CSK: variants seen among roughly 807,000 people sequenced by gnomAD.
CSK encodes the protein C-terminal Src kinase, also known as tyrosine-protein kinase CSK.
A neutral mutation model predicts 62.3 loss-of-function variants in CSK; 7 were observed. The ratio of observed to expected loss-of-function variants is 0.11; its 90% CI spans 0.06 to 0.21. The LOEUF is 0.21. Among genes scored for constraint, CSK ranks in the 10% least tolerant of loss-of-function variants. The pLI is 1.00. For missense variants in CSK, 294 were observed against 613.5 expected (o/e 0.48, Z 5.50); for synonymous variants, 237 against 246.0 (o/e 0.96, Z 0.34).
Position 74,798,551 on chromosome 15 carries a change from G to T in CSK, c.16-64G>T. The T allele has an allele frequency of 6.8e-7, 1 of 1,463,772 alleles. No homozygotes were observed. The highest frequency in any genetic ancestry group is 1.4e-5 in the African/African-American group (1 of 71,808). The allele number at this position is 1,463,772 out of a possible 1,614,324, so 90.7% of individuals were successfully genotyped here. A position where few individuals can be genotyped will look rare whatever the true frequency, so the allele number is the denominator to read the frequency against. Reference sequence around the variant, plus strand: ...CAGCTCAGAGGCTGTGACCACGAGGGTGCGCCAGCAGGTGGCTGGAGGGGG... The same window carrying T: ...CAGCTCAGAGGCTGTGACCACGAGGTTGCGCCAGCAGGTGGCTGGAGGGGG... On this transcript the variant is annotated intron_variant, in intron 2 of 12. Transcript: ENST00000220003. This position sits in a 1 kb window ranked among gnomAD's most constrained non-coding sequence, Gnocchi z 6.6.
At chr15:74,789,915 C>T (rs2141792473) in intron 1 of CSK, among the ~76,000 whole-genome samples, 1 of 152,282 alleles carries the variant, frequency 6.6e-6, no homozygotes, top group East Asian at 1.9e-4. Flanking sequence ...AGCATCCAGC[C>T]CTGGCTTGTG....
At chr15:74,802,131 G>T in intron 12 of CSK, 48 bp downstream of exon 12, 1 of 1,586,122 alleles carries the variant, frequency 6.3e-7, no homozygotes, top group Non-Finnish European at 8.6e-7. Context: ...CACCGGAGGG[G>T]TTGGCAGGGG....
intron 1 of CSK, among the ~76,000 whole-genome samples, chr15:74,784,074 G>A (rs1388188466): frequency 1.3e-5 from 2 of 152,252 alleles, no homozygotes; most frequent in African/African-American, 4.8e-5. Flanking sequence ...GACAGCAGGG[G>A]TGAGGTTGAG....
chr15:74,801,465 G>GTGAGAGGGCTGCAGGGCACGTCTGACC, intron 9 of CSK, 57 bp from the exon 10 acceptor site: 1 of 1,553,636 alleles, frequency 6.4e-7, no homozygotes, highest in Non-Finnish European at 8.8e-7. Flanking sequence ...AGCGTGCTGT[G>GTGAGAGGGCTGCAGGGCACGTCTGACC]TGAGAGGGCT....
rs1222737325 is a variant in CSK, at chr15:74,798,636, G to A, written c.37G>A (p.Glu13Lys). Residue 13 changes from glutamate (E) to lysine (K), a missense_variant, in exon 3 of 13, where the codon GAA becomes AAA. Coordinates refer to ENST00000220003, the MANE Select transcript of CSK (RefSeq NM_004383.3). This position sits in a 1 kb window ranked among gnomAD's most constrained non-coding sequence, Gnocchi z 6.6. ...GCAGGCCGCCTGGCCATCCGGTACA[G>A]AATGTATTGCCAAGTACAACTTCCA... Reference protein sequence around the residue: ...AIQAAWPSGTECIAKYNFHGT... With the variant: ...AIQAAWPSGTKCIAKYNFHGT... The A allele has an allele frequency of 6.2e-7, 1 of 1,613,490 alleles. No homozygotes were observed. Among genetic ancestry groups the A allele is most frequent in the African/African-American group, 1.3e-5 (1 of 74,948 alleles).
Position 74,799,311 on chromosome 15 carries a change from G to A in CSK, c.282G>A (p.Arg94=), listed in dbSNP as rs757011709. The A allele has an allele frequency of 6.8e-6, 11 of 1,611,794 alleles. No individual in the cohort carries two copies. Among genetic ancestry groups the A allele is most frequent in the Admixed American group, 5.0e-5 (3 of 60,016 alleles). Residue 94 remains arginine, a synonymous_variant, in exon 5 of 13, where the codon CGG becomes CGA. Transcript: ENST00000220003. ...HGKITREQAE[R]LLYPPETGLF... ...AGATCACACGGGAGCAGGCTGAGCG[G>A]CTTCTGTACCCGCCGGAGACAGGCC...
intron 1 of CSK, among the ~76,000 whole-genome samples, chr15:74,789,269 C>T (rs777715535): frequency 4.6e-5 from 7 of 152,222 alleles, no homozygotes; most frequent in African/African-American, 7.2e-5. Flanking sequence ...TCTGTTCCTT[C>T]GTAACCGCCC....
intron 1 of CSK, among the ~76,000 whole-genome samples, chr15:74,788,197 C>T (rs1432444868): frequency 1.3e-5 from 2 of 152,174 alleles, no homozygotes; most frequent in Non-Finnish European, 2.9e-5. Context: ...GTGTGTCCCT[C>T]GACAGGCTCT....
intron 1 of CSK, among the ~76,000 whole-genome samples, chr15:74,787,543 G>A (rs1466002926): frequency 6.6e-6 from 1 of 152,186 alleles, no homozygotes; most frequent in Non-Finnish European, 1.5e-5. Context: ...GGGACTGGAG[G>A]GCCCTGTGCA....
At chr15:74,801,617 A>G (rs1301651907) in intron 10 of CSK, 22 bp downstream of exon 10, 2 of 1,613,104 alleles carry the variant, frequency 1.2e-6, no homozygotes, top group African/African-American at 1.3e-5. Flanking sequence ...AGCCTCTTGG[A>G]TGGGTAGGGT....
intron 1 of CSK, among the ~76,000 whole-genome samples, chr15:74,790,096 T>TG (rs2063595102): frequency 6.6e-6 from 1 of 152,234 alleles, no homozygotes; most frequent in Admixed American, 6.5e-5. Flanking sequence ...ACCTTGCTGT[T>TG]GCCTGTTTTG....
At chr15:74,787,328 C>T (rs1347828651) in intron 1 of CSK, among the ~76,000 whole-genome samples, 3 of 152,082 alleles carry the variant, frequency 2.0e-5, no homozygotes, top group South Asian at 2.1e-4. Flanking sequence ...CCCTGCTCCT[C>T]GGGATCAGAA....
intron 12 of CSK, 74 bp from the exon 13 acceptor site, chr15:74,802,257 C>T: frequency 6.8e-7 from 1 of 1,472,598 alleles, no homozygotes. Flanking sequence ...GATGGGCATC[C>T]CTGAGAGGCT....
intron 1 of CSK, among the ~76,000 whole-genome samples, chr15:74,785,670 A>G (rs1332041331): frequency 6.6e-6 from 1 of 152,178 alleles, no homozygotes; most frequent in African/African-American, 2.4e-5. Context: ...GCATTGTTGA[A>G]GGAGTGCCCA....
chr15:74,799,577 G>A, intron 5 of CSK, 86 bp downstream of exon 5: 2 of 1,359,128 alleles, frequency 1.5e-6, no homozygotes, highest in African/African-American at 1.4e-5. Context: ...CAGCCCCACT[G>A]CTTCTGCGTG....
intron 1 of CSK, among the ~76,000 whole-genome samples, chr15:74,788,971 C>T (rs952765949): frequency 2.0e-5 from 3 of 152,148 alleles, no homozygotes; most frequent in Admixed American, 1.3e-4. Flanking sequence ...GGCTCCTGAG[C>T]GGTAATTAGA....
Position 74,799,317 on chromosome 15 carries a change from G to C in CSK, c.288G>C (p.Leu96=). ...KITREQAERL[L]YPPETGLFLV... ...CACGGGAGCAGGCTGAGCGGCTTCT[G>C]TACCCGCCGGAGACAGGCCTGTTCC... is the stretch of plus-strand genomic sequence containing the variant. The change falls in exon 5 of 13, where the codon CTG becomes CTC. Residue 96 remains leucine, a synonymous_variant. Coordinates refer to ENST00000220003, the MANE Select transcript of CSK (RefSeq NM_004383.3). 1 of 1,611,990 alleles carries C rather than the reference G, an allele frequency of 6.2e-7. No homozygotes were observed.
At chr15:74,790,568 T>C (rs2063604506) in intron 1 of CSK, among the ~76,000 whole-genome samples, 1 of 152,074 alleles carries the variant, frequency 6.6e-6, no homozygotes, top group South Asian at 2.1e-4. Flanking sequence ...GAAGTCAGAG[T>C]GAAGCACTGG....
At position 74,801,779 on chromosome 15, in the gene CSK, G is replaced by A. The variant is rs377244476; in HGVS notation, c.972G>A (p.Glu324=). ...CTGCCCGCAATGTGCTGGTGTCTGA[G>A]GACAACGTGGCCAAGGTCAGCGACT... The part of the protein sequence containing the change: ...DLAARNVLVS[E]DNVAKVSDFG... The change falls in exon 11 of 13, where the codon GAG becomes GAA. Residue 324 remains glutamate (E), a synonymous_variant. Transcript: ENST00000220003. 2.8e-5 allele frequency: 45 copies of A among 1,614,046 alleles called. No homozygotes were observed. In the African/African-American group the frequency reaches 5.5e-4, roughly 20 times the overall value.
Sources: allele counts gnomAD v4.1 joint callset (sites outside exome capture counted in the v4.1 genomes callset), GRCh38; gene constraint gnomAD v4.1.1; non-coding constraint Gnocchi (gnomAD v3.1); transcripts MANE v1.5; gene names NCBI Gene and HGNC (gene_info 2026-07-23, HGNC 2026-07-21).